The following DIS3L variants were observed in gnomAD, a reference collection of about 807,000 sequenced individuals.
DIS3L encodes DIS3 like exosome 3'-5' exoribonuclease.
A neutral mutation model predicts 120.3 loss-of-function variants in DIS3L; 100 were observed. The ratio of observed to expected loss-of-function variants is 0.83; its 90% CI spans 0.71 to 0.98. The LOEUF (loss-of-function observed/expected upper bound fraction) is 0.98, where lower values mean the gene tolerates loss of function less well. Among genes scored for constraint, DIS3L ranks in the 50% least tolerant of loss-of-function variants. DIS3L has a pLI of 0.00. For synonymous variants in DIS3L, 426 were observed against 470.6 expected (o/e 0.91, Z 1.23); for missense variants, 1,196 against 1,314.2 (o/e 0.91, Z 1.39).
At chr15:66,300,271 T>C (rs1454157643) in intron 2 of DIS3L, among the ~76,000 whole-genome samples, 1 of 152,152 alleles carries the variant, frequency 6.6e-6, no homozygotes, top group Non-Finnish European at 1.5e-5. Context: ...ACATGCTAAG[T>C]GGAAGAAGCC....
At chr15:66,330,257 A>C in intron 14 of DIS3L, 1 of 977,738 alleles carries the variant, frequency 1.0e-6, no homozygotes, top group Non-Finnish European at 1.2e-6. Flanking sequence ...AGATTGCACC[A>C]CTGCACTCTG....
In DIS3L at chr15:66,304,930, A is replaced by C. The variant is rs554669156; in HGVS notation, c.294-1894A>C. On this transcript the variant is annotated intron_variant, in intron 2 of 16. Transcript: ENST00000319212. The stretch of plus-strand genomic sequence containing the variant: ...AAAAAAAAAAAAAAGGATATTTTAT[A>C]AGTTGCTATTTATGATTCTTTTCAC... Among the ~76,000 whole-genome samples the C allele has an allele frequency of 4.0e-5, 6 of 151,554 alleles. No homozygotes were observed. In the East Asian group the frequency reaches 1.2e-3, roughly 29 times the overall value.
chr15:66,332,273 A>G (rs1368834067), intron 15 of DIS3L, among the ~76,000 whole-genome samples: 1 of 152,144 alleles, frequency 6.6e-6, no homozygotes, highest in Non-Finnish European at 1.5e-5. Context: ...CCTGGCCAAC[A>G]TGGTGAAACC....
rs774772909 is a variant in DIS3L at position 66,326,224 on chromosome 15, G to A, written c.2061G>A (p.Leu687=). The A allele has an allele frequency of 6.2e-7, 1 of 1,614,174 alleles. No individual in the cohort carries two copies. The highest frequency in any genetic ancestry group is 1.1e-5 in the South Asian group (1 of 91,078). ...AGACAGTGGCTGAATGCATGATCCT[G>A]GCCAACCACTGGGTCGCCAAAAAGA... ...VHETVAECMI[L]ANHWVAKKIW... The change falls in exon 12 of 17, where the codon CTG becomes CTA. Residue 687 remains leucine, a synonymous_variant. Coordinates refer to ENST00000319212, the MANE Select transcript of DIS3L (RefSeq NM_001143688.3).
intron 2 of DIS3L, among the ~76,000 whole-genome samples, chr15:66,300,579 T>C (rs1359455071): frequency 2.0e-5 from 3 of 152,226 alleles, no homozygotes; most frequent in Non-Finnish European, 4.4e-5. Context: ...AAGCTGCTCT[T>C]TTTTAAAATC....
intron 1 of DIS3L, 144 bp downstream of exon 1, chr15:66,293,879 C>A (rs1595705256): frequency 3.2e-4 from 1 of 3,082 alleles, no homozygotes; most frequent in African/African-American, 0.013. Context: ...GCCGGCCTCA[C>A]CCCCCGGCTC....
At chr15:66,327,911 C>T (rs896477358) in intron 12 of DIS3L, among the ~76,000 whole-genome samples, 7 of 151,982 alleles carry the variant, frequency 4.6e-5, no homozygotes, top group African/African-American at 1.7e-4. Context: ...ATACAACGAG[C>T]CAGGCATGGC....
At chr15:66,312,793 G>T (rs1323540562) in intron 5 of DIS3L, among the ~76,000 whole-genome samples, 2 of 152,120 alleles carry the variant, frequency 1.3e-5, no homozygotes, top group East Asian at 3.8e-4. Flanking sequence ...ATACAGAATT[G>T]TTCTATCGTG....
In DIS3L at chr15:66,333,405, G is replaced by T. The variant is rs373597475; in HGVS notation, c.*93G>T. ...ATGTGTGTCACTCAGTGCTCTAGTCGATCAGGACTGGGTAGCTATTTCGCA... is the reference window on the plus strand; with the variant it reads ...ATGTGTGTCACTCAGTGCTCTAGTCTATCAGGACTGGGTAGCTATTTCGCA... On this transcript the variant is annotated 3_prime_UTR_variant, in exon 17 of 17. Transcript: ENST00000319212. 13 of 1,330,764 alleles carry T rather than the reference G, an allele frequency of 9.8e-6. No individual in the cohort carries two copies. The highest frequency in any genetic ancestry group is 2.3e-5 in the Admixed American group (1 of 42,614). 82.4% of individuals were successfully genotyped at this position (1,330,764 alleles called of 1,614,324 possible).
chr15:66,308,212 T>C (rs376454630), intron 3 of DIS3L, among the ~76,000 whole-genome samples: 4 of 152,212 alleles, frequency 2.6e-5, no homozygotes, highest in African/African-American at 9.7e-5. Flanking sequence ...TCTCCAGACC[T>C]GTTTCCCAGT....
At chr15:66,301,942 A>G (rs1281969036) in intron 2 of DIS3L, among the ~76,000 whole-genome samples, 2 of 152,204 alleles carry the variant, frequency 1.3e-5, no homozygotes, top group East Asian at 3.8e-4. Flanking sequence ...TGGGAGTGAA[A>G]CTTAAAATTG....
chr15:66,321,347 T>C (rs1470713483), intron 9 of DIS3L, among the ~76,000 whole-genome samples: 11 of 152,222 alleles, frequency 7.2e-5, no homozygotes, highest in Admixed American at 6.5e-5. Flanking sequence ...AAAATTATTT[T>C]TATATATTGA....
rs2092648865 is a variant in DIS3L, at chr15:66,301,584, A to G, written c.294-5240A>G. ...GCATGAGCCACCACACCTGACCTGT[A>G]CTTGACTGTCTGAAACCATTGTTCT... On this transcript the variant is annotated intron_variant, in intron 2 of 16. Coordinates refer to ENST00000319212, the MANE Select transcript of DIS3L (RefSeq NM_001143688.3). Among the ~76,000 whole-genome samples the G allele has an allele frequency of 2.0e-5, 3 of 152,162 alleles. 1 individual carries two copies. The South Asian group carries it at 6.2e-4, about 32-fold the overall frequency.
In DIS3L at chr15:66,314,014, T is replaced by C. The variant is rs2092791931; in HGVS notation, c.736-25T>C. 2.6e-6 allele frequency: 4 copies of C among 1,530,706 alleles called. No individual in the cohort carries two copies. The African/African-American group carries it at 4.2e-5, about 16-fold the overall frequency. 94.8% of individuals were successfully genotyped at this position (1,530,706 alleles called of 1,614,324 possible). ...CAGGCGGAAAAGAACATTTTTCATA[T>C]TGATTTTTTAAATTATGATTTTAGG... On this transcript the variant is annotated intron_variant, in intron 5 of 16. Transcript: ENST00000319212.
intron 8 of DIS3L, among the ~76,000 whole-genome samples, chr15:66,320,295 C>T (rs1244248991): frequency 2.0e-5 from 3 of 152,020 alleles, no homozygotes; most frequent in Non-Finnish European, 4.4e-5. Flanking sequence ...GAATATATTA[C>T]GGCTCTCTTC....
rs372643197 is a variant in DIS3L at position 66,323,601 on chromosome 15, T to C, written c.1667+16T>C. On this transcript the variant is annotated intron_variant, in intron 11 of 16. Transcript: ENST00000319212. The stretch of plus-strand genomic sequence containing the variant: ...GCGTTGATAGGTGAGTTTATGGCTT[T>C]TGTCTTCAAAGCTTGTCCTGGCCCT... The C allele has an allele frequency of 1.9e-6, 3 of 1,613,408 alleles. No individual in the cohort carries two copies. Among genetic ancestry groups the C allele is most frequent in the Non-Finnish European group, 2.5e-6 (3 of 1,179,386 alleles).
chr15:66,307,611 C>T (rs1349004232), intron 3 of DIS3L, among the ~76,000 whole-genome samples: 2 of 152,190 alleles, frequency 1.3e-5, no homozygotes, highest in Non-Finnish European at 2.9e-5. Context: ...CAGGCTCCTA[C>T]TCCCAGTCTT....
In DIS3L at chr15:66,326,323, C is replaced by T; in HGVS notation, c.2160C>T (p.Leu720=). 1 of 1,614,114 alleles carries T rather than the reference C, an allele frequency of 6.2e-7. No homozygotes were observed. Among genetic ancestry groups the T allele is most frequent in the Non-Finnish European group, 8.5e-7 (1 of 1,180,028 alleles). The change falls in exon 12 of 17, where the codon CTC becomes CTT. Residue 720 remains leucine, a synonymous_variant. Coordinates refer to ENST00000319212, the MANE Select transcript of DIS3L (RefSeq NM_001143688.3). The part of the protein sequence containing the change: ...PPPHQEFFSE[L]RECAKAKGFF... ...CACACCAGGAGTTCTTTTCAGAACT[C>T]CGGGAATGTGCTAAAGCCAAAGGCT... is the stretch of plus-strand genomic sequence containing the variant.
In DIS3L at chr15:66,325,994, A is replaced by C; in HGVS notation, c.1831A>C (p.Lys611Gln). The C allele has an allele frequency of 6.2e-7, 1 of 1,614,202 alleles. No homozygotes were observed. Among genetic ancestry groups the C allele is most frequent in the Non-Finnish European group, 8.5e-7 (1 of 1,180,036 alleles). The change falls in exon 12 of 17, where the codon AAA (lysine) becomes CAA (glutamine). Residue 611 changes from lysine (K) to glutamine (Q), a missense_variant. Lys to Gln is a moderately conservative substitution (Grantham distance 53, BLOSUM62 1). Transcript: ENST00000319212. ...LSVVDDIPEFKDLDEKSRQAK... is the reference protein window; with the variant it reads ...LSVVDDIPEFQDLDEKSRQAK... ...CGTTGTTGATGATATTCCAGAATTCAAAGACTTGGATGAGAAGAGCAGACA... is the reference window on the plus strand; with the variant it reads ...CGTTGTTGATGATATTCCAGAATTCCAAGACTTGGATGAGAAGAGCAGACA...
Sources: allele counts gnomAD v4.1 joint callset (sites outside exome capture counted in the v4.1 genomes callset), GRCh38; gene constraint gnomAD v4.1.1; transcripts MANE v1.5; gene names NCBI Gene and HGNC (gene_info 2026-07-23, HGNC 2026-07-21).